The following PLEKHG1 variants were observed in gnomAD, a reference collection of about 807,000 sequenced individuals.
The protein encoded by PLEKHG1 is pleckstrin homology and RhoGEF domain containing G1.
Under a neutral mutation model 100.8 loss-of-function variants are expected in PLEKHG1, and 44 were observed. The observed-to-expected ratio is 0.44, with a 90% CI of 0.34 to 0.56. The LOEUF (loss-of-function observed/expected upper bound fraction) is 0.56, where lower values mean the gene tolerates loss of function less well. Among genes scored for constraint, PLEKHG1 ranks in the 20% least tolerant of loss-of-function variants. The probability of loss-of-function intolerance (pLI) is 0.01; values close to 1 mark genes in which losing one functional copy is unlikely to be tolerated. For missense variants in PLEKHG1, 1,545 were observed against 1,720.9 expected (o/e 0.90, Z 1.81); for synonymous variants, 640 against 662.5 (o/e 0.97, Z 0.52).
At chr6:150,661,213 C>T (rs768507712) in intron 3 of PLEKHG1, among the ~76,000 whole-genome samples, 5 of 152,184 alleles carry the variant, frequency 3.3e-5, no homozygotes, top group African/African-American at 9.7e-5. Context: ...TAGGCTGGTC[C>T]AGCGCTCACT....
chr6:150,688,853 A>T (rs73780074), intron 3 of PLEKHG1, among the ~76,000 whole-genome samples: 1 of 152,308 alleles, frequency 6.6e-6, no homozygotes, highest in South Asian at 2.1e-4. Context: ...GGTATATTAC[A>T]TTATTTACTT....
At chr6:150,825,897 G>A (rs1776570421) in intron 14 of PLEKHG1, among the ~76,000 whole-genome samples, 1 of 152,094 alleles carries the variant, frequency 6.6e-6, no homozygotes. Context: ...AGCTAATATC[G>A]GCCTGGCATG....
At chr6:150,736,781 A>G (rs1389323561) in intron 2 of PLEKHG1, among the ~76,000 whole-genome samples, 1 of 152,038 alleles carries the variant, frequency 6.6e-6, no homozygotes, top group Non-Finnish European at 1.5e-5. Context: ...AAAAACAAAA[A>G]CAAAAACAAA....
intron 3 of PLEKHG1, among the ~76,000 whole-genome samples, chr6:150,667,290 G>A (rs920106709): frequency 5.9e-5 from 9 of 152,126 alleles, no homozygotes; most frequent in African/African-American, 1.2e-4. Flanking sequence ...ATATTGCTGC[G>A]GACATAATTT....
chr6:150,776,852 A>C (rs1190084534), intron 3 of PLEKHG1, among the ~76,000 whole-genome samples: 1 of 151,460 alleles, frequency 6.6e-6, no homozygotes, highest in Non-Finnish European at 1.5e-5. Flanking sequence ...CACATCAGCC[A>C]CACTGATGCA....
chr6:150,616,127 C>G (rs1777063048), intron 1 of PLEKHG1, among the ~76,000 whole-genome samples: 1 of 152,070 alleles, frequency 6.6e-6, no homozygotes, highest in South Asian at 2.1e-4. Context: ...GTGTTATGAG[C>G]TAGGACTGCA....
chr6:150,811,243 C>A lies in PLEKHG1; in HGVS notation c.1278+1509C>A, dbSNP rs535539413. 1.5e-4 allele frequency among the ~76,000 whole-genome samples: 22 copies of A among 149,394 alleles called. No individual in the cohort carries two copies. In the South Asian group the frequency reaches 4.7e-3, roughly 32 times the overall value. On this transcript the variant is annotated intron_variant, in intron 10 of 15. Coordinates refer to ENST00000358517, the Ensembl canonical transcript of PLEKHG1. ...TGAGTGGAGAGAGGAAGGAAAACAT[C>A]TTTTACCTCAGTCTTAAAGGATAGG...
chr6:150,611,769 A>G (rs752173740), intron 1 of PLEKHG1, among the ~76,000 whole-genome samples: 7 of 149,040 alleles, frequency 4.7e-5, no homozygotes, highest in Non-Finnish European at 5.9e-5. Context: ...TGGAAATTGC[A>G]CCACTGCACT....
At chr6:150,778,531 G>A (rs976581443) in intron 3 of PLEKHG1, among the ~76,000 whole-genome samples, 5 of 151,796 alleles carry the variant, frequency 3.3e-5, no homozygotes, top group Non-Finnish European at 7.4e-5. Context: ...TTTCACCCTC[G>A]CCCAGCCTCA....
In PLEKHG1 at chr6:150,603,088, AAAAAAT is replaced by A. The variant is rs1466275706; in HGVS notation, c.-204+3077_-204+3082del. Among the ~76,000 whole-genome samples, 62 of 148,944 alleles carry A rather than the reference AAAAAAT, an allele frequency of 4.2e-4. 1 individual carries two copies. Among genetic ancestry groups the A allele is most frequent in the African/African-American group, 1.1e-3 (44 of 40,910 alleles). ...CAGCGAGACTCCGTCTCAAAAAAAAAAAAAATAAAAAAAAAGAAAAGAAAAAATTAT... is the reference window on the plus strand; with the variant it reads ...CAGCGAGACTCCGTCTCAAAAAAAAAAAAAAAAAAGAAAAGAAAAAATTAT... On this transcript the variant is annotated intron_variant, in intron 1 of 3. Coordinates refer to the PLEKHG1 transcript ENST00000367326.
At chr6:150,613,156 A>C (rs1225181102) in intron 1 of PLEKHG1, among the ~76,000 whole-genome samples, 1 of 152,026 alleles carries the variant, frequency 6.6e-6, no homozygotes. Flanking sequence ...CCAGCATCAG[A>C]GTGTTCTTAT....
At chr6:150,682,390 C>T (rs1003658678) in intron 3 of PLEKHG1, among the ~76,000 whole-genome samples, 3 of 152,090 alleles carry the variant, frequency 2.0e-5, no homozygotes, top group Non-Finnish European at 4.4e-5. Flanking sequence ...CCGCATCTGT[C>T]AGAAGCCACC....
At chr6:150,840,606 T>C (rs1252671344) in exon 16 of PLEKHG1, 17 of 1,613,986 alleles carry the variant, frequency 1.1e-5, no homozygotes, top group Non-Finnish European at 1.4e-5. Context: ...AGAAGATGAG[T>C]CGGAGTTGGA....
chr6:150,603,334 G>A (rs1776448120), intron 1 of PLEKHG1, among the ~76,000 whole-genome samples: 1 of 152,112 alleles, frequency 6.6e-6, no homozygotes, highest in African/African-American at 2.4e-5. Context: ...AATCCATTCG[G>A]TCATTCAGAG....
chr6:150,621,312 C>G (rs964888874), intron 1 of PLEKHG1, among the ~76,000 whole-genome samples: 1 of 152,024 alleles, frequency 6.6e-6, no homozygotes, highest in Non-Finnish European at 1.5e-5. Flanking sequence ...ATATCAGCTT[C>G]CCTTTTTGAC....
exon 4 of PLEKHG1, chr6:150,786,416 G>GTGAAAATGA: frequency 6.2e-7 from 1 of 1,613,374 alleles, no homozygotes; most frequent in South Asian, 1.1e-5. Context: ...TTGGAAAACT[G>GTGAAAATGA]TGAAAATGAT....
chr6:150,619,566 C>A (rs1777209032), intron 1 of PLEKHG1, among the ~76,000 whole-genome samples: 1 of 152,024 alleles, frequency 6.6e-6, no homozygotes, highest in South Asian at 2.1e-4. Context: ...TTCCTGATAC[C>A]CACTGAGATG....
chr6:150,655,048 A>G (rs1375278680), intron 3 of PLEKHG1, among the ~76,000 whole-genome samples: 1 of 152,268 alleles, frequency 6.6e-6, no homozygotes, highest in Admixed American at 6.5e-5. Flanking sequence ...TACAAACCAA[A>G]TATAGAAGTT....
At chr6:150,804,767 G>C (rs748792376) in intron 7 of PLEKHG1, 26 bp downstream of exon 8, 10 of 1,609,988 alleles carry the variant, frequency 6.2e-6, no homozygotes, top group Non-Finnish European at 7.6e-6. Context: ...GTCGGTGCCC[G>C]GCAGGGTTGC....
Sources: gnomAD v4.1 joint callset for allele counts (sites outside exome capture counted in the v4.1 genomes callset) on GRCh38, gnomAD v4.1.1 for gene constraint, MANE v1.5 for transcripts, NCBI Gene and HGNC (gene_info 2026-07-23, HGNC 2026-07-21) for gene names.